The following HTR1D variants were observed in gnomAD, a reference collection of about 807,000 sequenced individuals.
HTR1D encodes the protein 5-hydroxytryptamine receptor 1D.
HTR1D carries 18 observed loss-of-function variants against 21.1 expected under a neutral mutation model. The observed-to-expected ratio is 0.85, with a 90% CI of 0.59 to 1.27. The LOEUF is 1.27. Ranked by LOEUF, HTR1D falls within the 50% of genes most tolerant of loss-of-function variation. The pLI, the probability that HTR1D is intolerant of heterozygous loss-of-function variation, is 0.00. For missense variants in HTR1D, 456 were observed against 481.4 expected (o/e 0.95, Z 0.49); for synonymous variants, 196 against 204.4 (o/e 0.96, Z 0.35).
chr1:23,208,138 C>T (rs1242792078), intron 1 of HTR1D, among the ~76,000 whole-genome samples: 1 of 152,176 alleles, frequency 6.6e-6, no homozygotes, highest in Admixed American at 6.6e-5. Flanking sequence ...GTTTTAAATT[C>T]TTACCATCTG....
intron 1 of HTR1D, among the ~76,000 whole-genome samples, chr1:23,196,442 C>CAAA (rs560936417): frequency 1.7e-5 from 2 of 118,464 alleles, no homozygotes; most frequent in Non-Finnish European, 1.8e-5. Context: ...GAAACTCTGC[C>CAAA]AAAAAAAAAA....
Position 23,193,710 on chromosome 1 carries a change from G to A in HTR1D, c.510C>T (p.Ser170=), listed in dbSNP as rs748018075. The A allele has an allele frequency of 1.5e-5, 24 of 1,613,932 alleles. No homozygotes were observed. In the Admixed American group the frequency reaches 3.3e-4, roughly 22 times the overall value. ...AIVWAISICI[S]IPPLFWRQAK... is the part of the protein sequence containing the mutation. Reference sequence around the variant, plus strand: ...CCTGCCGCCAGAAGAGCGGGGGGATGGAGATGCAGATGGAGATGGCCCAGA... The same window carrying A: ...CCTGCCGCCAGAAGAGCGGGGGGATAGAGATGCAGATGGAGATGGCCCAGA... The change falls in exon 2 of 2, where the codon TCC becomes TCT. Residue 170 remains serine (S), a synonymous_variant. Transcript: ENST00000374619.
At chr1:23,199,109 G>A (rs1472972665) in intron 1 of HTR1D, among the ~76,000 whole-genome samples, 1 of 151,978 alleles carries the variant, frequency 6.6e-6, no homozygotes, top group African/African-American at 2.4e-5. Flanking sequence ...TTATAGGCGT[G>A]AGCCACCATG....
intron 1 of HTR1D, among the ~76,000 whole-genome samples, chr1:23,199,148 C>A (rs1380917872): frequency 1.3e-5 from 2 of 151,936 alleles, no homozygotes; most frequent in Non-Finnish European, 2.9e-5. Context: ...GGGTCTCACT[C>A]TGTCACCTAG....
chr1:23,195,378 A>AT (rs1213644247), intron 1 of HTR1D, among the ~76,000 whole-genome samples: 1 of 129,858 alleles, frequency 7.7e-6, no homozygotes, highest in Non-Finnish European at 1.6e-5. Flanking sequence ...TCTACAAAGT[A>AT]TGGGGGGGGG....
In HTR1D at chr1:23,206,832, A is replaced by G. The variant is rs576061896; in HGVS notation, c.-783+10459T>C. ...CTCCTTGAGTGTCTCATTCACCCCTATAGCCCTGACGCCTGGCCCAGAGCA... is the reference window on the plus strand; with the variant it reads ...CTCCTTGAGTGTCTCATTCACCCCTGTAGCCCTGACGCCTGGCCCAGAGCA... On this transcript the variant is annotated intron_variant, in intron 1 of 1. Coordinates refer to ENST00000374619, the MANE Select transcript of HTR1D (RefSeq NM_000864.5). Among the ~76,000 whole-genome samples, 109 of 152,104 alleles carry G rather than the reference A, an allele frequency of 7.2e-4. 1 individual carries two copies. The highest frequency in any genetic ancestry group is 2.8e-3 in the Admixed American group (42 of 15,268).
At chr1:23,209,662 C>T (rs1644745819) in intron 1 of HTR1D, among the ~76,000 whole-genome samples, 1 of 152,082 alleles carries the variant, frequency 6.6e-6, no homozygotes, top group Non-Finnish European at 1.5e-5. Context: ...GTAGTCAATC[C>T]TATTATTATT....
chr1:23,194,305 T>C lies in HTR1D; in HGVS notation c.-86A>G. On this transcript the variant is annotated 5_prime_UTR_variant, in exon 2 of 2. Coordinates refer to ENST00000374619, the MANE Select transcript of HTR1D (RefSeq NM_000864.5). ...CCTGACAACAGAGCAAAGTCATCCT[T>C]CTGCTTCACACTGGTGGGAGCCGTA... 8.0e-7 allele frequency: 1 copy of C among 1,251,242 alleles called. No individual in the cohort carries two copies. Among genetic ancestry groups the C allele is most frequent in the East Asian group, 2.3e-5 (1 of 43,080 alleles). 77.5% of individuals were successfully genotyped at this position (1,251,242 alleles called of 1,614,324 possible). A position where few individuals can be genotyped will look rare whatever the true frequency, so the allele number is the denominator to read the frequency against.
At position 23,194,327 on chromosome 1, in the gene HTR1D, C is replaced by T. The variant is rs982429836; in HGVS notation, c.-108G>A. On this transcript the variant is annotated 5_prime_UTR_variant, in exon 2 of 2. Coordinates refer to ENST00000374619, the MANE Select transcript of HTR1D (RefSeq NM_000864.5). ...CCTTCTGCTTCACACTGGTGGGAGC[C>T]GTACACCAGAACAGACCACAGTGAA... is the stretch of plus-strand genomic sequence containing the variant. 80 of 980,882 alleles carry T rather than the reference C, an allele frequency of 8.2e-5. No individual in the cohort carries two copies. Among genetic ancestry groups the T allele is most frequent in the Non-Finnish European group, 1.0e-4 (67 of 645,028 alleles). 60.8% of individuals were successfully genotyped at this position (980,882 alleles called of 1,614,324 possible).
Position 23,217,338 on chromosome 1 carries a change from C to T in HTR1D, c.-830G>A, listed in dbSNP as rs1644779844. On this transcript the variant is annotated 5_prime_UTR_variant, in exon 1 of 2. Transcript: ENST00000374619. The surrounding 1 kb of genome is among the most constrained non-coding windows in gnomAD (Gnocchi z 4.6). The stretch of plus-strand genomic sequence containing the variant: ...GCACACCCGGCGTACCCGCCCGATC[C>T]ACTTCCTCGCGCGGCGTCTCCCCGT... 6.6e-6 allele frequency among the ~76,000 whole-genome samples: 1 copy of T among 151,726 alleles called. No homozygotes were observed. Among genetic ancestry groups the T allele is most frequent in the Non-Finnish European group, 1.5e-5 (1 of 67,874 alleles).
chr1:23,205,678 G>A (rs757746519), intron 1 of HTR1D, among the ~76,000 whole-genome samples: 2 of 152,064 alleles, frequency 1.3e-5, no homozygotes, highest in African/African-American at 2.4e-5. Context: ...CGAGTAGCTG[G>A]GATTACAGGC....
intron 1 of HTR1D, among the ~76,000 whole-genome samples, chr1:23,195,292 T>C (rs1391221847): frequency 6.6e-6 from 1 of 151,872 alleles, no homozygotes; most frequent in East Asian, 1.9e-4. Flanking sequence ...TTAGCAACAA[T>C]GGAAACAAAA....
chr1:23,209,588 ATC>A (rs1644745580), intron 1 of HTR1D, among the ~76,000 whole-genome samples: 1 of 152,164 alleles, frequency 6.6e-6, no homozygotes, highest in Non-Finnish European at 1.5e-5. Context: ...AGAGTTTACT[ATC>A]TGCCAGGCAC....
chr1:23,201,854 A>G (rs977155060), intron 1 of HTR1D, among the ~76,000 whole-genome samples: 1 of 151,938 alleles, frequency 6.6e-6, no homozygotes, highest in Non-Finnish European at 1.5e-5. Context: ...TGCCCAGCCA[A>G]GACAGGGGAC....
intron 1 of HTR1D, among the ~76,000 whole-genome samples, chr1:23,206,980 T>C (rs1644733287): frequency 6.6e-6 from 1 of 152,198 alleles, no homozygotes; most frequent in Admixed American, 6.5e-5. Context: ...GAACTTTCTG[T>C]GTGACCTAAG....
chr1:23,191,999 A>T lies in HTR1D; in HGVS notation c.*1087T>A, dbSNP rs558609119. 75 of 147,368 alleles carry T rather than the reference A, an allele frequency of 5.1e-4. No individual in the cohort carries two copies. Among genetic ancestry groups the T allele is most frequent in the African/African-American group, 1.9e-3 (75 of 40,538 alleles). 9.1% of individuals were successfully genotyped at this position (147,368 alleles called of 1,614,324 possible). A position where few individuals can be genotyped will look rare whatever the true frequency, so the allele number is the denominator to read the frequency against. ...TGTTAAAAAAAAATTCAGAAAAAAA[A>T]TTCAGAATGGTGTCCCACTCAAAGC... On this transcript the variant is annotated 3_prime_UTR_variant, in exon 2 of 2. Coordinates refer to ENST00000374619, the MANE Select transcript of HTR1D (RefSeq NM_000864.5).
intron 1 of HTR1D, among the ~76,000 whole-genome samples, chr1:23,209,951 C>T (rs924914230): frequency 2.0e-5 from 3 of 152,136 alleles, no homozygotes; most frequent in East Asian, 1.9e-4. Flanking sequence ...GGCCTGGTGA[C>T]GGCAGCTTGG....
chr1:23,203,845 A>C (rs890195339), intron 1 of HTR1D, among the ~76,000 whole-genome samples: 2 of 152,188 alleles, frequency 1.3e-5, no homozygotes, highest in East Asian at 1.9e-4. Flanking sequence ...ACCTAAACAA[A>C]CATCTACAGT....
rs747145800 is a variant in HTR1D, at chr1:23,194,082, G to A, written c.138C>T (p.Ser46=). The A allele has an allele frequency of 2.0e-5, 33 of 1,614,044 alleles. No individual in the cohort carries two copies. The highest frequency in any genetic ancestry group is 2.0e-4 in the South Asian group (18 of 91,080). The stretch of plus-strand genomic sequence containing the variant: ...AGAGGACTGTGGCCAGTGTGATGAC[G>A]GAAAGGACCACGGCAAGGGAGATCT... ...ALKISLAVVL[S]VITLATVLSN... The change falls in exon 2 of 2, where the codon TCC becomes TCT. Residue 46 remains serine, a synonymous_variant. Transcript: ENST00000374619.
Sources: allele counts gnomAD v4.1 joint callset (sites outside exome capture counted in the v4.1 genomes callset), GRCh38; gene constraint gnomAD v4.1.1; non-coding constraint Gnocchi (gnomAD v3.1); transcripts MANE v1.5; gene names NCBI Gene and HGNC (gene_info 2026-07-23, HGNC 2026-07-21).